Variants in PPM1H observed in about 807,000 individuals in gnomAD.
PPM1H encodes the protein protein phosphatase, Mg2+/Mn2+ dependent 1H.
In PPM1H, 27 loss-of-function variants were observed where a neutral mutation model predicts 54.9. The observed-to-expected ratio is 0.49, with a 90% confidence interval of 0.36 to 0.68. The LOEUF (loss-of-function observed/expected upper bound fraction) is 0.68, where lower values mean the gene tolerates loss of function less well. Among genes scored for constraint, PPM1H ranks in the 30% least tolerant of loss-of-function variants. The pLI, the probability that PPM1H is intolerant of heterozygous loss-of-function variation, is 0.00. For missense variants in PPM1H, 596 were observed against 667.8 expected (o/e 0.89, Z 1.19); for synonymous variants, 305 against 270.8 (o/e 1.13, Z -1.24).
At chr12:62,742,474 A>C (rs1299626720) in intron 4 of PPM1H, among the ~76,000 whole-genome samples, 1 of 152,192 alleles carries the variant, frequency 6.6e-6, no homozygotes, top group African/African-American at 2.4e-5. Flanking sequence ...AATGAGACGA[A>C]AGGGGTTTCA....
chr12:62,672,842 T>C (rs536120622), intron 8 of PPM1H, among the ~76,000 whole-genome samples: 5 of 152,330 alleles, frequency 3.3e-5, no homozygotes, highest in African/African-American at 1.2e-4. Context: ...AATTTGTATT[T>C]CCTCTGTGGG....
At chr12:62,694,476 A>T (rs1252267095) in intron 6 of PPM1H, among the ~76,000 whole-genome samples, 1 of 152,302 alleles carries the variant, frequency 6.6e-6, no homozygotes, top group South Asian at 2.1e-4. Flanking sequence ...TCCTCTATAT[A>T]ATATGCAAGG....
intron 2 of PPM1H, among the ~76,000 whole-genome samples, chr12:62,818,415 T>C (rs1387292730): frequency 2.0e-5 from 3 of 152,178 alleles, no homozygotes; most frequent in African/African-American, 4.8e-5. Context: ...TGGTGATTCA[T>C]GTGCACAAAT....
chr12:62,817,434 T>C (rs2076877205), intron 2 of PPM1H, among the ~76,000 whole-genome samples: 1 of 150,570 alleles, frequency 6.6e-6, no homozygotes, highest in Non-Finnish European at 1.5e-5. Flanking sequence ...TGCACTCCAG[T>C]CTGGACAACA....
chr12:62,915,065 GTAAA>G (rs1170864226), intron 1 of PPM1H, among the ~76,000 whole-genome samples: 1 of 152,162 alleles, frequency 6.6e-6, no homozygotes, highest in Non-Finnish European at 1.5e-5. Context: ...TGCTTATGAT[GTAAA>G]TAAAGTTCCT....
Position 62,935,104 on chromosome 12 carries a change from G to A in PPM1H, c.-368C>T, listed in dbSNP as rs1006852301. ...TGAACTGAGCCCACCCGGCGAGCTC[G>A]CGGAGCCGCCGCGGCTGCTGCCACG... On this transcript the variant is annotated 5_prime_UTR_variant, in exon 1 of 10. Coordinates refer to ENST00000228705, the MANE Select transcript of PPM1H (RefSeq NM_020700.2). The A allele has an allele frequency of 6.3e-6, 1 of 158,618 alleles. No individual in the cohort carries two copies. Among genetic ancestry groups the A allele is most frequent in the Non-Finnish European group, 1.4e-5 (1 of 72,400 alleles). 9.8% of individuals were successfully genotyped at this position (158,618 alleles called of 1,614,324 possible).
chr12:62,741,784 G>A (rs2076382296), intron 4 of PPM1H, among the ~76,000 whole-genome samples: 1 of 152,136 alleles, frequency 6.6e-6, no homozygotes, highest in Non-Finnish European at 1.5e-5. Context: ...TGCCTGGCAC[G>A]TGCCAGACGT....
intron 1 of PPM1H, among the ~76,000 whole-genome samples, chr12:62,888,921 AT>A (rs1870686057): frequency 6.6e-6 from 1 of 152,194 alleles, no homozygotes. Flanking sequence ...CAGAGCTCGC[AT>A]TCTTTAACAC....
intron 1 of PPM1H, among the ~76,000 whole-genome samples, chr12:62,880,836 T>TCC (rs1308129044): frequency 6.6e-6 from 1 of 152,056 alleles, no homozygotes; most frequent in Non-Finnish European, 1.5e-5. Context: ...CCCCAGATGA[T>TCC]CCACCGAGTG....
intron 6 of PPM1H, among the ~76,000 whole-genome samples, chr12:62,706,522 C>T (rs982996159): frequency 6.6e-6 from 1 of 152,232 alleles, no homozygotes; most frequent in African/African-American, 2.4e-5. Context: ...GTTTATTATG[C>T]AATCTTTTTG....
chr12:62,662,687 A>G (rs917928796), intron 9 of PPM1H, among the ~76,000 whole-genome samples: 7 of 152,236 alleles, frequency 4.6e-5, no homozygotes, highest in African/African-American at 1.7e-4. Context: ...ATTATAGATT[A>G]CAGGCTCTTA....
intron 8 of PPM1H, among the ~76,000 whole-genome samples, chr12:62,686,389 G>A (rs946216407): frequency 2.6e-5 from 4 of 152,160 alleles, no homozygotes; most frequent in East Asian, 1.9e-4. Flanking sequence ...AGACCTTTAC[G>A]GATGCTTTTT....
intron 2 of PPM1H, among the ~76,000 whole-genome samples, chr12:62,829,627 C>A (rs1337537084): frequency 6.6e-6 from 1 of 152,162 alleles, no homozygotes; most frequent in Non-Finnish European, 1.5e-5. Context: ...GACTGGGGCA[C>A]CAGGGTGTCT....
chr12:62,807,987 G>A (rs1352212675), intron 2 of PPM1H, among the ~76,000 whole-genome samples: 1 of 152,170 alleles, frequency 6.6e-6, no homozygotes, highest in African/African-American at 2.4e-5. Context: ...ACAGGCATGT[G>A]CCACCACATC....
At chr12:62,822,956 G>C (rs967180110) in intron 2 of PPM1H, among the ~76,000 whole-genome samples, 24 of 152,230 alleles carry the variant, frequency 1.6e-4, no homozygotes, top group Non-Finnish European at 1.8e-4. Flanking sequence ...AAATTCAGGA[G>C]CTGGTTTTTT....
chr12:62,767,448 G>C (rs1342209201), intron 4 of PPM1H, among the ~76,000 whole-genome samples: 2 of 152,132 alleles, frequency 1.3e-5, no homozygotes, highest in Non-Finnish European at 2.9e-5. Flanking sequence ...TTTTTGATAA[G>C]GTAATATTAG....
intron 4 of PPM1H, chr12:62,755,789 G>T: frequency 1.1e-6 from 1 of 947,974 alleles, no homozygotes. Context: ...CCAGAAGACT[G>T]TGGATGGCCC....
Position 62,764,195 on chromosome 12 carries a change from G to A in PPM1H, c.869+24031C>T, listed in dbSNP as rs1358603370. On this transcript the variant is annotated intron_variant, in intron 4 of 9. Transcript: ENST00000228705. The stretch of plus-strand genomic sequence containing the variant: ...GAGAACAAATGGGAGTGACCCAGAA[G>A]AGATGCACCCAGAGAGACCACAGAC... Among the ~76,000 whole-genome samples, 4 of 102,142 alleles carry A rather than the reference G, an allele frequency of 3.9e-5. No homozygotes were observed. In the East Asian group the frequency reaches 1.2e-3, roughly 31 times the overall value. The allele number at this position is 102,142 out of a possible 152,430, so 67.0% of individuals were successfully genotyped here.
chr12:62,795,994 G>A (rs1267813413), intron 3 of PPM1H, among the ~76,000 whole-genome samples: 1 of 152,200 alleles, frequency 6.6e-6, no homozygotes, highest in Non-Finnish European at 1.5e-5. Context: ...CTCCCAAAGT[G>A]CTGGGATTAT....
Sources: gnomAD v4.1 joint callset for allele counts (sites outside exome capture counted in the v4.1 genomes callset) on GRCh38, gnomAD v4.1.1 for gene constraint, MANE v1.5 for transcripts, NCBI Gene and HGNC (gene_info 2026-07-23, HGNC 2026-07-21) for gene names.